RNF175: variants seen among roughly 807,000 people sequenced by gnomAD.
RNF175 encodes the protein ring finger protein 175.
Under a neutral mutation model 50.0 loss-of-function variants are expected in RNF175, and 38 were observed. The observed-to-expected ratio is 0.76, with a 90% CI of 0.59 to 1.00. RNF175 has a LOEUF of 1.00. Among genes scored for constraint, RNF175 ranks in the 50% least tolerant of loss-of-function variants. The pLI is 0.00. For missense variants in RNF175, 388 were observed against 409.6 expected, an observed-to-expected ratio of 0.95 and a Z score of 0.46; for synonymous variants, 155 against 146.1, an observed-to-expected ratio of 1.06 and a Z score of -0.44.
intron 3 of RNF175, among the ~76,000 whole-genome samples, chr4:153,742,777 A>G (rs1739742294): frequency 6.6e-6 from 1 of 151,162 alleles, no homozygotes; most frequent in African/African-American, 2.4e-5. Context: ...CATAGCTGTA[A>G]TAATAATAGT....
intron 3 of RNF175, among the ~76,000 whole-genome samples, chr4:153,746,556 T>G (rs1386521180): frequency 1.3e-5 from 2 of 151,790 alleles, no homozygotes; most frequent in East Asian, 1.9e-4. Context: ...ATAGCTCTCC[T>G]AGGCTGGAGT....
rs1738824367 is a variant in RNF175 at position 153,728,248 on chromosome 4, G to A, written c.360C>T (p.Leu120=). Residue 120 remains leucine, a synonymous_variant, in exon 4 of 9, where the codon CTC becomes CTT. Coordinates refer to ENST00000347063, the MANE Select transcript of RNF175 (RefSeq NM_173662.4). ...AGAGGGGTTTTCGGGTAGCTCTGAA[G>A]AGGATGTAACTGGTAATAACGGAGA... is the stretch of plus-strand genomic sequence containing the variant. The part of the protein sequence containing the change: ...GMFSVITSYI[L]FRATRKPLSG... The A allele has an allele frequency of 6.2e-7, 1 of 1,613,702 alleles. No individual in the cohort carries two copies. Among genetic ancestry groups the A allele is most frequent in the Non-Finnish European group, 8.5e-7 (1 of 1,179,686 alleles).
Position 153,710,272 on chromosome 4 carries a change from A to T in RNF175, c.*97T>A. 1.0e-6 allele frequency: 1 copy of T among 967,470 alleles called. No homozygotes were observed. 59.9% of individuals were successfully genotyped at this position (967,470 alleles called of 1,614,324 possible). On this transcript the variant is annotated 3_prime_UTR_variant, in exon 9 of 9. Transcript: ENST00000347063. ...GACAACAAAGTTTACTTAGTTTTCT[A>T]AACACTTGGGATCATCTCTAAAATT...
At chr4:153,754,106 C>A (rs1351532373) in intron 1 of RNF175, among the ~76,000 whole-genome samples, 1 of 149,292 alleles carries the variant, frequency 6.7e-6, no homozygotes, top group Non-Finnish European at 1.5e-5. Flanking sequence ...GGAGGTGGAA[C>A]TTGCAGTGAG....
chr4:153,720,526 A>C, intron 5 of RNF175: 1 of 448,632 alleles, frequency 2.2e-6, no homozygotes, highest in Non-Finnish European at 4.1e-6. Flanking sequence ...AATTCTTGAG[A>C]TAGCCTTCAA....
In RNF175 at chr4:153,759,784, C is replaced by A; in HGVS notation, c.66+13G>T. 2.0e-6 allele frequency: 3 copies of A among 1,473,792 alleles called. No individual in the cohort carries two copies. Among genetic ancestry groups the A allele is most frequent in the Non-Finnish European group, 2.7e-6 (3 of 1,118,380 alleles). The allele number at this position is 1,473,792 out of a possible 1,614,324, so 91.3% of individuals were successfully genotyped here. On this transcript the variant is annotated intron_variant, in intron 1 of 8. Transcript: ENST00000347063. The stretch of plus-strand genomic sequence containing the variant: ...GCCTGGCGTCCCCCACGCCCGCGCC[C>A]CCGCGCCAGTACCTGCTCCTGCTGC...
At chr4:153,751,313 C>T in intron 2 of RNF175, 125 bp downstream of exon 2, 1 of 710,030 alleles carries the variant, frequency 1.4e-6, no homozygotes, top group Non-Finnish European at 2.4e-6. Flanking sequence ...ATTTGTGTAT[C>T]CTACCCCATC....
intron 1 of RNF175, among the ~76,000 whole-genome samples, chr4:153,754,908 C>T (rs376810087): frequency 6.6e-6 from 1 of 152,222 alleles, no homozygotes; most frequent in African/African-American, 2.4e-5. Context: ...AGATTTTGAA[C>T]TCCTGGCCTC....
chr4:153,711,023 T>A (rs533498657), intron 8 of RNF175, among the ~76,000 whole-genome samples: 1 of 152,172 alleles, frequency 6.6e-6, no homozygotes, highest in African/African-American at 2.4e-5. Flanking sequence ...TCACATGTAG[T>A]TTTTTCTTAT....
chr4:153,734,898 G>C (rs1225235820), intron 3 of RNF175, among the ~76,000 whole-genome samples: 1 of 151,812 alleles, frequency 6.6e-6, no homozygotes, highest in East Asian at 1.9e-4. Flanking sequence ...GGATGGTCTC[G>C]ATCTCCTGAC....
At chr4:153,725,567 C>T (rs1422246416) in intron 4 of RNF175, among the ~76,000 whole-genome samples, 3 of 152,168 alleles carry the variant, frequency 2.0e-5, no homozygotes, top group African/African-American at 4.8e-5. Context: ...CTGTGCAAAG[C>T]GGTTTGTTGA....
At chr4:153,752,498 C>G (rs1340312811) in intron 1 of RNF175, among the ~76,000 whole-genome samples, 12 of 152,204 alleles carry the variant, frequency 7.9e-5, no homozygotes, top group Admixed American at 7.9e-4. Context: ...TGGCATTGTG[C>G]AAATATTGCC....
Position 153,748,764 on chromosome 4 carries a change from T to C in RNF175, c.127A>G (p.Lys43Glu). The change falls in exon 3 of 9, where the codon AAG (lysine) becomes GAG (glutamate). Residue 43 changes from lysine (K) to glutamate (E), a missense_variant. By Grantham distance (56) the Lys-to-Glu change is moderately conservative. Coordinates refer to ENST00000347063, the MANE Select transcript of RNF175 (RefSeq NM_173662.4). ...ATGGAATCGTGGCCCCGGTGCATCT[T>C]GTACATCCTCTCCTGCTGCAGGCTG... is the stretch of plus-strand genomic sequence containing the variant. ...TWNLQQERMY[K>E]MHRGHDSMHV... The C allele has an allele frequency of 6.2e-7, 1 of 1,612,428 alleles. No individual in the cohort carries two copies. The highest frequency in any genetic ancestry group is 1.1e-5 in the South Asian group (1 of 90,570).
chr4:153,724,502 C>G (rs1030197310), intron 4 of RNF175, among the ~76,000 whole-genome samples: 1 of 152,178 alleles, frequency 6.6e-6, no homozygotes. Context: ...GAGTCTCTTT[C>G]CTGCTTTTCA....
intron 8 of RNF175, among the ~76,000 whole-genome samples, chr4:153,712,184 T>C (rs1391692150): frequency 1.3e-5 from 2 of 152,246 alleles, no homozygotes; most frequent in Admixed American, 6.5e-5. Flanking sequence ...TATTCTTCCA[T>C]ATATTTTACC....
At chr4:153,717,130 C>T (rs1737985062) in intron 6 of RNF175, among the ~76,000 whole-genome samples, 1 of 152,146 alleles carries the variant, frequency 6.6e-6, no homozygotes, top group Admixed American at 6.5e-5. Context: ...AATGTGGACT[C>T]ATGGATATTT....
intron 3 of RNF175, among the ~76,000 whole-genome samples, chr4:153,732,918 G>A (rs1178421721): frequency 6.6e-6 from 1 of 152,164 alleles, no homozygotes; most frequent in African/African-American, 2.4e-5. Flanking sequence ...GCGACTACTT[G>A]AAAACATCCA....
At chr4:153,720,612 A>T in intron 5 of RNF175, 1 of 261,346 alleles carries the variant, frequency 3.8e-6, no homozygotes, top group Non-Finnish European at 7.6e-6. Flanking sequence ...CGTAGGCCTC[A>T]GCAGCTTGTA....
chr4:153,748,533 A>T, intron 3 of RNF175, 112 bp downstream of exon 3: 1 of 981,858 alleles, frequency 1.0e-6, no homozygotes, highest in Non-Finnish European at 1.4e-6. Flanking sequence ...CCACTGACTT[A>T]AACCAAGGCA....
Sources: gnomAD v4.1 joint callset for allele counts (sites outside exome capture counted in the v4.1 genomes callset) on GRCh38, gnomAD v4.1.1 for gene constraint, MANE v1.5 for transcripts, NCBI Gene and HGNC (gene_info 2026-07-23, HGNC 2026-07-21) for gene names.